NUP54: variants seen among roughly 807,000 people sequenced by gnomAD.
NUP54 encodes the protein nucleoporin p54.
A neutral mutation model predicts 66.4 loss-of-function variants in NUP54; 27 were observed. The ratio of observed to expected loss-of-function variants is 0.41; its 90% CI spans 0.30 to 0.56. The LOEUF is 0.56. Among genes scored for constraint, NUP54 ranks in the 20% least tolerant of loss-of-function variants. The pLI is 0.34. For missense variants in NUP54, 486 were observed against 596.3 expected (o/e 0.82, Z 1.93); for synonymous variants, 206 against 210.7 (o/e 0.98, Z 0.19).
At chr4:76,144,029 A>C in intron 3 of NUP54, 120 bp downstream of exon 3, 1 of 1,022,932 alleles carries the variant, frequency 9.8e-7, no homozygotes, top group Non-Finnish European at 1.4e-6. Flanking sequence ...AACATTCCTA[A>C]TCCTTTGGAA....
rs986393416 is a variant in NUP54 at position 76,131,942 on chromosome 4, T to C, written c.907+581A>G. Among the ~76,000 whole-genome samples the C allele has an allele frequency of 2.0e-5, 3 of 152,096 alleles. No individual in the cohort carries two copies. In the East Asian group the frequency reaches 5.8e-4, roughly 29 times the overall value. On this transcript the variant is annotated intron_variant, in intron 6 of 11. Transcript: ENST00000264883. The stretch of plus-strand genomic sequence containing the variant: ...ATGCAATGTTTAAATACAGTAAGAT[T>C]TATCTTCATGTATTGACATGAAAAG...
At position 76,133,205 on chromosome 4, in the gene NUP54, T is replaced by C. The variant is rs1730889313; in HGVS notation, c.711-486A>G. Reference sequence around the variant, plus strand: ...GATGAGCTGCTGTGCCCAACTGTTTTCTTCTTAAATCTTGGAAAATAAGAA... The same window carrying C: ...GATGAGCTGCTGTGCCCAACTGTTTCCTTCTTAAATCTTGGAAAATAAGAA... On this transcript the variant is annotated intron_variant, in intron 5 of 11. Transcript: ENST00000264883. 2.0e-5 allele frequency among the ~76,000 whole-genome samples: 3 copies of C among 152,138 alleles called. 1 individual carries two copies. The highest frequency in any genetic ancestry group is 2.0e-4 in the Admixed American group (3 of 15,270).
intron 8 of NUP54, among the ~76,000 whole-genome samples, chr4:76,128,562 A>G (rs879023018): frequency 3.3e-5 from 5 of 152,250 alleles, no homozygotes; most frequent in Non-Finnish European, 7.3e-5. Flanking sequence ...GTAGGTTAAA[A>G]GCAAAAAGAT....
chr4:76,120,421 CTTTTTTTT>C (rs59098375), intron 9 of NUP54, among the ~76,000 whole-genome samples: 10 of 117,800 alleles, frequency 8.5e-5, no homozygotes, highest in African/African-American at 2.6e-4. Flanking sequence ...AAAGGGATCT[CTTTTTTTT>C]TTTTTTTTTT....
intron 3 of NUP54, among the ~76,000 whole-genome samples, chr4:76,136,754 C>T (rs1044221074): frequency 2.6e-5 from 4 of 152,112 alleles, no homozygotes; most frequent in Non-Finnish European, 4.4e-5. Context: ...TGCAGGAAGA[C>T]TCTAAAAACT....
At chr4:76,139,419 T>C (rs1023366489) in intron 3 of NUP54, among the ~76,000 whole-genome samples, 1 of 148,286 alleles carries the variant, frequency 6.7e-6, no homozygotes, top group African/African-American at 2.5e-5. Flanking sequence ...ACCACAATTA[T>C]GAGAGATAAA....
intron 11 of NUP54, 125 bp from the exon 12 acceptor site, chr4:76,115,619 T>C (rs1729919631): frequency 1.7e-6 from 1 of 574,320 alleles, no homozygotes; most frequent in Non-Finnish European, 2.8e-6. Flanking sequence ...GTGCTCTAAA[T>C]ATAGAGGGCA....
At chr4:76,117,894 C>T in intron 10 of NUP54, 120 bp from the exon 11 acceptor site, 1 of 999,152 alleles carries the variant, frequency 1.0e-6, no homozygotes, top group South Asian at 1.5e-5. Flanking sequence ...TCTCTCTGTA[C>T]ATTATATTCG....
chr4:76,135,032 A>G (rs1238173602), intron 4 of NUP54, among the ~76,000 whole-genome samples: 1 of 151,000 alleles, frequency 6.6e-6, no homozygotes, highest in African/African-American at 2.5e-5. Context: ...GTAACCCATA[A>G]TAAGTTGAGG....
intron 1 of NUP54, among the ~76,000 whole-genome samples, chr4:76,146,412 A>G (rs558986726): frequency 6.6e-6 from 1 of 152,334 alleles, no homozygotes; most frequent in South Asian, 2.1e-4. Flanking sequence ...ACATCAAAGG[A>G]CAGTGATATG....
At chr4:76,145,665 C>A in intron 1 of NUP54, 1 of 806,446 alleles carries the variant, frequency 1.2e-6, no homozygotes. Context: ...CAGTCTTCAG[C>A]TGATTACCAA....
chr4:76,127,499 T>C (rs973502196), intron 8 of NUP54, among the ~76,000 whole-genome samples: 1 of 145,496 alleles, frequency 6.9e-6, no homozygotes, highest in African/African-American at 2.6e-5. Flanking sequence ...TCATACCACA[T>C]ACTTTATATA....
At chr4:76,144,842 GAT>G (rs1731418791) in intron 1 of NUP54, among the ~76,000 whole-genome samples, 1 of 152,172 alleles carries the variant, frequency 6.6e-6, no homozygotes, top group Non-Finnish European at 1.5e-5. Context: ...GATTTAGACT[GAT>G]AACAGTAAAG....
intron 1 of NUP54, chr4:76,145,485 A>T: frequency 1.2e-6 from 1 of 851,828 alleles, no homozygotes; most frequent in Non-Finnish European, 1.6e-6. Flanking sequence ...TGTCTAAATT[A>T]ACTTATATTT....
At chr4:76,125,814 A>AG (rs1235548841) in intron 8 of NUP54, among the ~76,000 whole-genome samples, 1 of 29,888 alleles carries the variant, frequency 3.3e-5, no homozygotes, top group African/African-American at 1.6e-4. Flanking sequence ...AGAGAGGGAG[A>AG]AGAGGGAGAA....
rs1263649569 is a variant in NUP54, at chr4:76,118,344, A to AT, written c.1165-151dup. ...CAGGATTTGAATTATGTTTCTGTCC[A>AT]TTTTAACTAGGCAAAAGTTATCATA... On this transcript the variant is annotated intron_variant, in intron 9 of 11. Transcript: ENST00000264883. 1.9e-5 allele frequency: 13 copies of AT among 684,258 alleles called. No homozygotes were observed. In the Admixed American group the frequency reaches 2.2e-4, roughly 12 times the overall value. 42.4% of individuals were successfully genotyped at this position (684,258 alleles called of 1,614,324 possible).
chr4:76,126,622 A>C (rs1343748981), intron 8 of NUP54, among the ~76,000 whole-genome samples: 1 of 152,242 alleles, frequency 6.6e-6, no homozygotes, highest in Non-Finnish European at 1.5e-5. Context: ...GTATTTATTA[A>C]CAAATACTAA....
chr4:76,118,016 T>G, intron 10 of NUP54, 59 bp downstream of exon 10: 1 of 1,560,112 alleles, frequency 6.4e-7, no homozygotes. Context: ...ATTACATAAC[T>G]TTTTGTCTGC....
chr4:76,128,590 A>G (rs1479158795), intron 8 of NUP54, among the ~76,000 whole-genome samples: 1 of 152,238 alleles, frequency 6.6e-6, no homozygotes, highest in Non-Finnish European at 1.5e-5. Context: ...GGTATGCCAT[A>G]CAAACACTTT....
Sources: allele counts gnomAD v4.1 joint callset (sites outside exome capture counted in the v4.1 genomes callset), GRCh38; gene constraint gnomAD v4.1.1; transcripts MANE v1.5; gene names NCBI Gene and HGNC (gene_info 2026-07-23, HGNC 2026-07-21).